Variants in SAMD4A observed in about 807,000 individuals in gnomAD.
SAMD4A encodes sterile alpha motif domain containing 4A.
SAMD4A carries 33 observed loss-of-function variants against 81.3 expected under a neutral mutation model. That is an observed-to-expected ratio of 0.41 (90% confidence interval 0.31 to 0.54). The LOEUF (loss-of-function observed/expected upper bound fraction) is 0.54, where lower values mean the gene tolerates loss of function less well. Ranked by LOEUF, SAMD4A falls within the 20% of genes least tolerant of loss-of-function variation. The pLI is 0.37. For missense variants in SAMD4A, 854 were observed against 951.1 expected (o/e 0.90, Z 1.34); for synonymous variants, 389 against 382.1 (o/e 1.02, Z -0.21).
chr14:54,643,856 C>A (rs573823392), intron 2 of SAMD4A, among the ~76,000 whole-genome samples: 34 of 152,242 alleles, frequency 2.2e-4, no homozygotes, highest in Non-Finnish European at 4.7e-4. Flanking sequence ...TTTTTGTGTG[C>A]TTTCAGCCTG....
At chr14:54,681,310 A>G (rs2036122634) in intron 2 of SAMD4A, among the ~76,000 whole-genome samples, 1 of 152,204 alleles carries the variant, frequency 6.6e-6, no homozygotes, top group African/African-American at 2.4e-5. Flanking sequence ...CCACTTTTGA[A>G]AAAAGTACTC....
intron 2 of SAMD4A, among the ~76,000 whole-genome samples, chr14:54,661,305 C>T (rs1052524548): frequency 1.3e-5 from 2 of 152,090 alleles, no homozygotes; most frequent in Non-Finnish European, 2.9e-5. Flanking sequence ...TTTTTCATAC[C>T]TATATTTTAG....
At chr14:54,621,524 T>C (rs1180684950) in intron 2 of SAMD4A, among the ~76,000 whole-genome samples, 1 of 151,944 alleles carries the variant, frequency 6.6e-6, no homozygotes, top group African/African-American at 2.4e-5. Context: ...TAATTTTTTT[T>C]TTTTTTTTGG....
intron 2 of SAMD4A, among the ~76,000 whole-genome samples, chr14:54,613,566 C>T (rs2034418693): frequency 6.6e-6 from 1 of 152,192 alleles, no homozygotes; most frequent in Admixed American, 6.5e-5. Flanking sequence ...CCAGCTAAGG[C>T]CATTTCTCTG....
rs1169548923 is a variant in SAMD4A, at chr14:54,770,577, GTTCT to G, written c.1715+356_1715+359del. 5.6e-4 allele frequency among the ~76,000 whole-genome samples: 85 copies of G among 152,332 alleles called. 1 individual carries two copies. Among genetic ancestry groups the G allele is most frequent in the African/African-American group, 2.0e-3 (84 of 41,562 alleles). Reference sequence around the variant, plus strand: ...GGATCTGAAAGGATAAAAATGGGTTGTTCTATCAATCAGCACCTTAAGTGGTAGT... The same window carrying G: ...GGATCTGAAAGGATAAAAATGGGTTGATCAATCAGCACCTTAAGTGGTAGT... On this transcript the variant is annotated intron_variant, in intron 9 of 12. Coordinates refer to ENST00000554335, the MANE Select transcript of SAMD4A (RefSeq NM_015589.6).
intron 6 of SAMD4A, among the ~76,000 whole-genome samples, chr14:54,758,458 A>G (rs1205810995): frequency 6.6e-6 from 1 of 152,266 alleles, no homozygotes; most frequent in African/African-American, 2.4e-5. Flanking sequence ...CAAGTGTAAG[A>G]GATGACCCCA....
rs148220430 is a variant in SAMD4A, at chr14:54,602,816, C to T, written c.196+34704C>T. On this transcript the variant is annotated intron_variant, in intron 2 of 12. Coordinates refer to ENST00000554335, the MANE Select transcript of SAMD4A (RefSeq NM_015589.6). The stretch of plus-strand genomic sequence containing the variant: ...TATAATTAAAAAAAAAAAAGACATT[C>T]GCCTTCTTACATTCTCTCTCAGTTC... 4.2e-3 allele frequency among the ~76,000 whole-genome samples: 630 copies of T among 149,048 alleles called. 7 individuals carry two copies. Among genetic ancestry groups the T allele is most frequent in the African/African-American group, 0.015 (607 of 40,030 alleles).
chr14:54,783,357 A>G (rs1372649708), intron 11 of SAMD4A, among the ~76,000 whole-genome samples: 1 of 152,186 alleles, frequency 6.6e-6, no homozygotes, highest in East Asian at 1.9e-4. Flanking sequence ...GAGGACATTT[A>G]AAGTCGCCAC....
intron 2 of SAMD4A, chr14:54,685,816 A>G (rs1427840605): frequency 4.4e-6 from 2 of 456,732 alleles, no homozygotes; most frequent in Admixed American, 2.3e-5. Context: ...AGATTGAGGT[A>G]TGCATCCGAA....
At chr14:54,591,886 G>A (rs1197257287) in intron 2 of SAMD4A, among the ~76,000 whole-genome samples, 2 of 152,136 alleles carry the variant, frequency 1.3e-5, no homozygotes, top group Non-Finnish European at 2.9e-5. Flanking sequence ...GTCTGATGGG[G>A]TTGAAAGCCT....
intron 8 of SAMD4A, among the ~76,000 whole-genome samples, chr14:54,769,180 A>G (rs771245704): frequency 2.0e-5 from 3 of 152,202 alleles, no homozygotes; most frequent in Non-Finnish European, 4.4e-5. Context: ...CCTCATGTTC[A>G]TGCTCTACCT....
intron 5 of SAMD4A, among the ~76,000 whole-genome samples, chr14:54,750,581 A>G (rs1054049902): frequency 1.3e-5 from 2 of 152,218 alleles, no homozygotes; most frequent in Non-Finnish European, 2.9e-5. Context: ...TATGAATTTA[A>G]GTAATTTTCT....
chr14:54,697,037 G>A (rs973927218), intron 2 of SAMD4A: 1 of 152,136 alleles, frequency 6.6e-6, no homozygotes, highest in Non-Finnish European at 1.5e-5. Flanking sequence ...CCCCAGGGAG[G>A]AGAATTTGTC....
chr14:54,645,815 A>G (rs1379622554), intron 2 of SAMD4A, among the ~76,000 whole-genome samples: 2 of 152,252 alleles, frequency 1.3e-5, no homozygotes, highest in East Asian at 3.8e-4. Flanking sequence ...TTGACTGTTA[A>G]GAAATGTTAT....
intron 9 of SAMD4A, among the ~76,000 whole-genome samples, chr14:54,773,836 A>G (rs1363415350): frequency 6.6e-6 from 1 of 152,262 alleles, no homozygotes; most frequent in Non-Finnish European, 1.5e-5. Context: ...TGGTTCATTC[A>G]TTCAACTGCA....
chr14:54,701,154 A>G (rs1439678541), intron 2 of SAMD4A: 1 of 151,994 alleles, frequency 6.6e-6, no homozygotes, highest in African/African-American at 2.4e-5. Flanking sequence ...ATATACCATC[A>G]CACATGGCTA....
intron 2 of SAMD4A, among the ~76,000 whole-genome samples, chr14:54,571,412 C>G (rs1025319192): frequency 6.6e-6 from 1 of 152,184 alleles, no homozygotes; most frequent in African/African-American, 2.4e-5. Flanking sequence ...GTCTCAGTTC[C>G]AGGACTAGCA....
At chr14:54,700,907 A>G (rs1698169260) in intron 2 of SAMD4A, 2 of 152,026 alleles carry the variant, frequency 1.3e-5, no homozygotes, top group Non-Finnish European at 2.9e-5. Context: ...TGTGGTACCT[A>G]GAGTAGTTAG....
intron 2 of SAMD4A, among the ~76,000 whole-genome samples, chr14:54,664,004 G>A (rs2035701379): frequency 6.6e-6 from 1 of 152,194 alleles, no homozygotes; most frequent in African/African-American, 2.4e-5. Context: ...GTGGGAGAAG[G>A]AGAGCTGTCT....
Sources: allele counts gnomAD v4.1 joint callset (sites outside exome capture counted in the v4.1 genomes callset), GRCh38; gene constraint gnomAD v4.1.1; transcripts MANE v1.5; gene names NCBI Gene and HGNC (gene_info 2026-07-23, HGNC 2026-07-21).